The following NMNAT2 variants were observed in gnomAD, a reference collection of about 807,000 sequenced individuals.
The protein encoded by NMNAT2 is nicotinamide/nicotinic acid mononucleotide adenylyltransferase 2.
Under a neutral mutation model 41.6 loss-of-function variants are expected in NMNAT2, and 11 were observed. That is an observed-to-expected ratio of 0.26 (90% CI 0.17 to 0.44). The LOEUF (loss-of-function observed/expected upper bound fraction) is 0.44. Ranked by LOEUF, NMNAT2 falls within the 20% of genes least tolerant of loss-of-function variation. The probability of loss-of-function intolerance (pLI) is 1.00; values close to 1 mark genes in which losing one functional copy is unlikely to be tolerated. For missense variants in NMNAT2, 288 were observed against 407.7 expected, an observed-to-expected ratio of 0.71 and a Z score of 2.53; for synonymous variants, 148 against 151.2, an observed-to-expected ratio of 0.98 and a Z score of 0.16.
intron 1 of NMNAT2, among the ~76,000 whole-genome samples, chr1:183,332,411 G>A (rs551186826): frequency 6.6e-6 from 1 of 152,260 alleles, no homozygotes; most frequent in African/African-American, 2.4e-5. Flanking sequence ...ATAAGAGGCA[G>A]AATGTGATAT....
chr1:183,418,359 G>T lies in NMNAT2; in HGVS notation c.-92C>A. The T allele has an allele frequency of 7.9e-7, 1 of 1,264,464 alleles. No individual in the cohort carries two copies. The highest frequency in any genetic ancestry group is 1.2e-6 in the Non-Finnish European group (1 of 868,136). The allele number at this position is 1,264,464 out of a possible 1,614,324, so 78.3% of individuals were successfully genotyped here. On this transcript the variant is annotated 5_prime_UTR_variant, in exon 1 of 11. Transcript: ENST00000287713. ...GAGGGAGAAAGGAAGGCGAGGCTCC[G>T]GCGGTGGATGCTGTGGACTCCAAGG...
At chr1:183,338,635 T>C (rs1278698263) in intron 1 of NMNAT2, among the ~76,000 whole-genome samples, 1 of 152,146 alleles carries the variant, frequency 6.6e-6, no homozygotes. Flanking sequence ...AGTTGGTAAA[T>C]GGAAAAGCTA....
chr1:183,414,005 AC>A (rs1007671657), intron 1 of NMNAT2, among the ~76,000 whole-genome samples: 5 of 152,092 alleles, frequency 3.3e-5, no homozygotes, highest in African/African-American at 7.2e-5. Context: ...GATATTAACC[AC>A]CCGACCTGAA....
At chr1:183,319,250 G>A (rs1325480385) in intron 1 of NMNAT2, among the ~76,000 whole-genome samples, 2 of 152,176 alleles carry the variant, frequency 1.3e-5, no homozygotes, top group Admixed American at 6.5e-5. Flanking sequence ...CTGTGTACCC[G>A]TGCTGAGTGC....
chr1:183,319,799 G>A (rs770089890), intron 1 of NMNAT2, among the ~76,000 whole-genome samples: 3 of 152,244 alleles, frequency 2.0e-5, no homozygotes, highest in Non-Finnish European at 4.4e-5. Flanking sequence ...CTGTGGGGTT[G>A]AGAGTGGGAT....
chr1:183,275,326 A>T (rs1661095882), intron 8 of NMNAT2, among the ~76,000 whole-genome samples: 1 of 152,092 alleles, frequency 6.6e-6, no homozygotes, highest in Non-Finnish European at 1.5e-5. Context: ...GTGAGGAAAC[A>T]GCTTCTTGAA....
At chr1:183,366,740 A>G (rs1189517393) in intron 1 of NMNAT2, among the ~76,000 whole-genome samples, 1 of 152,182 alleles carries the variant, frequency 6.6e-6, no homozygotes, top group South Asian at 2.1e-4. Context: ...GCATAGATGG[A>G]TCTTATGCTA....
chr1:183,362,532 G>A (rs1414370922), intron 1 of NMNAT2, among the ~76,000 whole-genome samples: 2 of 152,128 alleles, frequency 1.3e-5, no homozygotes, highest in African/African-American at 2.4e-5. Flanking sequence ...AATAGATGAC[G>A]TTTTGTGACT....
intron 1 of NMNAT2, among the ~76,000 whole-genome samples, chr1:183,311,979 C>G (rs1662134054): frequency 6.6e-6 from 1 of 152,118 alleles, no homozygotes; most frequent in African/African-American, 2.4e-5. Flanking sequence ...CACAAGCGCT[C>G]TTTTTGCCTG....
At chr1:183,358,689 T>A (rs559432046) in intron 1 of NMNAT2, among the ~76,000 whole-genome samples, 1 of 152,286 alleles carries the variant, frequency 6.6e-6, no homozygotes, top group East Asian at 1.9e-4. Context: ...TTTCCCCTCA[T>A]CATGTGGACT....
intron 1 of NMNAT2, among the ~76,000 whole-genome samples, chr1:183,339,314 G>GATCCTTTAGTAGAGACGGGGTT (rs1662745281): frequency 6.6e-6 from 1 of 152,070 alleles, no homozygotes; most frequent in Non-Finnish European, 1.5e-5. Flanking sequence ...AGCCAGGATG[G>GATCCTTTAGTAGAGACGGGGTT]TCTCAATCTC....
At chr1:183,293,669 G>A (rs1177213592) in intron 2 of NMNAT2, 36 bp downstream of exon 2, 3 of 1,449,756 alleles carry the variant, frequency 2.1e-6, no homozygotes, top group Admixed American at 1.7e-5. Flanking sequence ...GGGGGGACGG[G>A]GATTGAAGAG....
At chr1:183,323,443 G>A (rs564085897) in intron 1 of NMNAT2, among the ~76,000 whole-genome samples, 1 of 152,326 alleles carries the variant, frequency 6.6e-6, no homozygotes, top group East Asian at 1.9e-4. Context: ...CATACTTCAA[G>A]TGACCCTATG....
chr1:183,370,586 C>G (rs1161267488), intron 1 of NMNAT2, among the ~76,000 whole-genome samples: 1 of 152,204 alleles, frequency 6.6e-6, no homozygotes, highest in Admixed American at 6.5e-5. Context: ...GGAGCCCAGC[C>G]AGCCTAGGAG....
intron 1 of NMNAT2, among the ~76,000 whole-genome samples, chr1:183,405,149 G>A (rs1455691025): frequency 6.6e-6 from 1 of 152,168 alleles, no homozygotes; most frequent in African/African-American, 2.4e-5. Context: ...GAGCCCAGGA[G>A]GTCAAGGCTG....
intron 1 of NMNAT2, among the ~76,000 whole-genome samples, chr1:183,301,341 T>C (rs975144265): frequency 3.3e-5 from 5 of 152,140 alleles, no homozygotes; most frequent in Non-Finnish European, 5.9e-5. Context: ...TCTCCTCCCT[T>C]CCCCACTCCA....
intron 1 of NMNAT2, among the ~76,000 whole-genome samples, chr1:183,297,053 A>G (rs1470024909): frequency 6.6e-6 from 1 of 150,692 alleles, no homozygotes; most frequent in Admixed American, 6.7e-5. Context: ...TGTCCTCCAA[A>G]TAGTGCCTTC....
At position 183,395,627 on chromosome 1, in the gene NMNAT2, G is replaced by A. The variant is rs550561485; in HGVS notation, c.85+22556C>T. Reference sequence around the variant, plus strand: ...GGACTGGAGCCATGATTTTGCAGGGGGTGAAATGAAGCACTGGGACCCAAG... The same window carrying A: ...GGACTGGAGCCATGATTTTGCAGGGAGTGAAATGAAGCACTGGGACCCAAG... On this transcript the variant is annotated intron_variant, in intron 1 of 10. Coordinates refer to ENST00000287713, the MANE Select transcript of NMNAT2 (RefSeq NM_015039.4). Among the ~76,000 whole-genome samples, 11 of 152,204 alleles carry A rather than the reference G, an allele frequency of 7.2e-5. No individual in the cohort carries two copies. In the South Asian group the frequency reaches 1.2e-3, roughly 17 times the overall value.
intron 1 of NMNAT2, among the ~76,000 whole-genome samples, chr1:183,415,137 A>G (rs1245648393): frequency 2.0e-5 from 3 of 152,070 alleles, no homozygotes; most frequent in Non-Finnish European, 4.4e-5. Context: ...ATGCAACACC[A>G]TACCTGGCTA....
Sources: gnomAD v4.1 joint callset for allele counts (sites outside exome capture counted in the v4.1 genomes callset) on GRCh38, gnomAD v4.1.1 for gene constraint, MANE v1.5 for transcripts, NCBI Gene and HGNC (gene_info 2026-07-23, HGNC 2026-07-21) for gene names.